Variants in PRPF4 observed in about 807,000 individuals in gnomAD.
PRPF4 encodes the protein U4/U6 small nuclear ribonucleoprotein Prp4.
A neutral mutation model predicts 72.2 loss-of-function variants in PRPF4; 14 were observed. The observed-to-expected ratio is 0.19, with a 90% CI of 0.13 to 0.30. The LOEUF (loss-of-function observed/expected upper bound fraction) is 0.30. Among genes scored for constraint, PRPF4 ranks in the 10% least tolerant of loss-of-function variants. The probability of loss-of-function intolerance (pLI) is 1.00; values close to 1 mark genes in which losing one functional copy is unlikely to be tolerated. For missense variants in PRPF4, 478 were observed against 653.9 expected, an observed-to-expected ratio of 0.73 and a Z score of 2.93; for synonymous variants, 225 against 232.2, an observed-to-expected ratio of 0.97 and a Z score of 0.28.
In PRPF4 at chr9:113,275,694, G is replaced by GA. The variant is rs1489870621; in HGVS notation, c.-47dup. ...CTGCTGGGCGCGCGGTGGACGGTCT[G>GA]AAAGGGAGTGTTCGGGTTTCGCTGG... On this transcript the variant is annotated 5_prime_UTR_variant, in exon 1 of 14. Transcript: ENST00000374198. The GA allele has an allele frequency of 3.1e-6, 5 of 1,599,972 alleles. No individual in the cohort carries two copies. The highest frequency in any genetic ancestry group is 3.4e-6 in the Non-Finnish European group (4 of 1,173,180).
intron 9 of PRPF4, 122 bp from the exon 10 acceptor site, chr9:113,288,052 AC>A: frequency 2.4e-6 from 2 of 821,770 alleles, no homozygotes; most frequent in Non-Finnish European, 3.8e-6. Flanking sequence ...AAAGTAGTTT[AC>A]AAGTGTAGTT....
In PRPF4 at chr9:113,279,035, A is replaced by G. The variant is rs772800358; in HGVS notation, c.296A>G (p.Asn99Ser). 9.3e-6 allele frequency: 15 copies of G among 1,614,144 alleles called. No homozygotes were observed. The highest frequency in any genetic ancestry group is 1.3e-5 in the African/African-American group (1 of 74,958). ...AGAAGGAAGCGAGCCCGGCAGATCA[A>G]TGTTTCCACAGATGACTCAGAGGTC... ...FERRKRARQI[N>S]VSTDDSEVKA... The change falls in exon 3 of 14, where the codon AAT becomes AGT. Residue 99 changes from asparagine to serine, a missense_variant. Asn to Ser is a conservative substitution (Grantham distance 46). Transcript: ENST00000374198.
intron 7 of PRPF4, 174 bp from the exon 8 acceptor site, chr9:113,286,058 G>A (rs117656222): frequency 5.0e-6 from 1 of 198,238 alleles, no homozygotes; most frequent in African/African-American, 2.4e-5. Flanking sequence ...TTGCGTGTGG[G>A]CTGGAGGTAG....
At chr9:113,291,397 CT>C (rs1217606595) in intron 13 of PRPF4, 69 bp from the exon 14 acceptor site, 2 of 1,451,534 alleles carry the variant, frequency 1.4e-6, no homozygotes, top group Non-Finnish European at 1.9e-6. Context: ...TTTTTGCAGA[CT>C]TTTGTGCTTT....
At chr9:113,282,900 GTA>G in intron 4 of PRPF4, 167 bp downstream of exon 4, 1 of 1,002,962 alleles carries the variant, frequency 1.0e-6, no homozygotes, top group Non-Finnish European at 1.4e-6. Flanking sequence ...TCCTTTGTAA[GTA>G]TGAATGGAGC....
Position 113,291,649 on chromosome 9 carries a change from A to G in PRPF4, c.1555A>G (p.Met519Val). ...CSYDRTFKLW[M>V]AE ...ATATGACAGGACCTTCAAGCTGTGGATGGCTGAATAGATGACAATGGGAAA... is the reference window on the plus strand; with the variant it reads ...ATATGACAGGACCTTCAAGCTGTGGGTGGCTGAATAGATGACAATGGGAAA... The change falls in exon 14 of 14, where the codon ATG (methionine) becomes GTG (valine). Residue 519 changes from methionine (M) to valine (V), a missense_variant. Met to Val is a conservative substitution (Grantham distance 21, BLOSUM62 1). Coordinates refer to ENST00000374198, the MANE Select transcript of PRPF4 (RefSeq NM_001244926.2). 1.9e-6 allele frequency: 3 copies of G among 1,614,100 alleles called. No individual in the cohort carries two copies. Among genetic ancestry groups the G allele is most frequent in the African/African-American group, 2.7e-5 (2 of 75,060 alleles).
At chr9:113,289,507 A>G (rs1376795298) in intron 10 of PRPF4, among the ~76,000 whole-genome samples, 3 of 152,182 alleles carry the variant, frequency 2.0e-5, no homozygotes, top group South Asian at 2.1e-4. Context: ...ATTTTGCCCA[A>G]TCTAGCAGGT....
chr9:113,275,815 G>A (rs1337733520), intron 1 of PRPF4, 45 bp downstream of exon 1: 2 of 1,606,724 alleles, frequency 1.2e-6, no homozygotes, highest in Non-Finnish European at 1.7e-6. Context: ...GGAGCGCTAA[G>A]GGGGAAGGGG....
At chr9:113,280,445 T>C (rs1056705521) in intron 3 of PRPF4, among the ~76,000 whole-genome samples, 5 of 152,174 alleles carry the variant, frequency 3.3e-5, no homozygotes, top group African/African-American at 1.2e-4. Context: ...AATTGAAATA[T>C]TTCCCCACCT....
Position 113,286,293 on chromosome 9 carries a change from A to C in PRPF4, c.808+3A>C. 1 of 1,608,018 alleles carries C rather than the reference A, an allele frequency of 6.2e-7. No homozygotes were observed. The highest frequency in any genetic ancestry group is 8.5e-7 in the Non-Finnish European group (1 of 1,174,460). ...CAACCTCCTTCACACTCTTCGAGGTAAGTTAGAGTCTTATCCAAATCTCGG... is the reference window on the plus strand; with the variant it reads ...CAACCTCCTTCACACTCTTCGAGGTCAGTTAGAGTCTTATCCAAATCTCGG... On this transcript the variant is annotated splice_donor_region_variant and intron_variant, in intron 8 of 13. Transcript: ENST00000374198.
In PRPF4 at chr9:113,292,835, A is replaced by G. The variant is rs1385724464; in HGVS notation, c.*1175A>G. The G allele has an allele frequency of 2.6e-5, 4 of 152,212 alleles. No homozygotes were observed. Among genetic ancestry groups the G allele is most frequent in the African/African-American group, 7.2e-5 (3 of 41,450 alleles). The allele number at this position is 152,212 out of a possible 1,614,324, so 9.4% of individuals were successfully genotyped here. A position where few individuals can be genotyped will look rare whatever the true frequency, so the allele number is the denominator to read the frequency against. On this transcript the variant is annotated 3_prime_UTR_variant, in exon 14 of 14. Coordinates refer to ENST00000374198, the MANE Select transcript of PRPF4 (RefSeq NM_001244926.2). ...ACCTTTTCTTTATTCCACATTTGCT[A>G]CGGTAAAATCCTGTTACAAAACTAC... is the stretch of plus-strand genomic sequence containing the variant.
At chr9:113,284,234 A>G in intron 6 of PRPF4, 61 bp from the exon 7 acceptor site, 1 of 1,279,526 alleles carries the variant, frequency 7.8e-7, no homozygotes, top group Non-Finnish European at 1.1e-6. Flanking sequence ...GTGGAAAAGC[A>G]AAGGAGCTCT....
intron 10 of PRPF4, among the ~76,000 whole-genome samples, chr9:113,288,727 G>A (rs542164271): frequency 3.3e-5 from 5 of 152,142 alleles, no homozygotes; most frequent in East Asian, 1.9e-4. Context: ...AACAGGTAAC[G>A]CGCCCAGCCA....
At chr9:113,284,213 T>A (rs1199060264) in intron 6 of PRPF4, 82 bp from the exon 7 acceptor site, 1 of 1,087,116 alleles carries the variant, frequency 9.2e-7, no homozygotes, top group East Asian at 2.4e-5. Context: ...TGCTTTGTTG[T>A]TCTTTTTATG....
rs112459530 is a variant in PRPF4 at position 113,285,151 on chromosome 9, G to A, written c.749+762G>A. Among the ~76,000 whole-genome samples, 263 of 151,322 alleles carry A rather than the reference G, an allele frequency of 1.7e-3. 2 individuals are homozygous for A. The highest frequency in any genetic ancestry group is 5.7e-3 in the African/African-American group (235 of 41,190). On this transcript the variant is annotated intron_variant, in intron 7 of 13. Coordinates refer to ENST00000374198, the MANE Select transcript of PRPF4 (RefSeq NM_001244926.2). ...CACAGGTCTGTTAGAAAGATCATCC[G>A]AGATAATAGATATAAAAGTAATTTG...
chr9:113,282,726 A>G lies in PRPF4; in HGVS notation c.473A>G (p.Lys158Arg), dbSNP rs769690576. The G allele has an allele frequency of 2.5e-6, 4 of 1,601,742 alleles. No homozygotes were observed. Among genetic ancestry groups the G allele is most frequent in the South Asian group, 2.2e-5 (2 of 90,692 alleles). Reference protein sequence around the residue: ...KKDDEKSKKSKEEYQQTWYHE... With the variant: ...KKDDEKSKKSREEYQQTWYHE... ...GATGATGAGAAGTCTAAAAAGTCCA[A>G]AGAAGAGGTAGAACATGTCTTTAAC... Residue 158 changes from lysine (K) to arginine (R), a missense_variant, in exon 4 of 14, where the codon AAA becomes AGA. Lys to Arg is a conservative substitution (Grantham distance 26). Transcript: ENST00000374198.
In PRPF4 at chr9:113,276,626, G is replaced by A; in HGVS notation, c.106G>A (p.Glu36Lys). 6.2e-7 allele frequency: 1 copy of A among 1,614,180 alleles called. No individual in the cohort carries two copies. The highest frequency in any genetic ancestry group is 1.1e-5 in the South Asian group (1 of 91,086). Residue 36 changes from glutamate (E) to lysine (K), a missense_variant, in exon 2 of 14, where the codon GAG becomes AAG. By Grantham distance (56) the Glu-to-Lys change is moderately conservative. Transcript: ENST00000374198. ...ACACATCTATTATGGAAGTTTGGAA[G>A]AGAAGGAGAGGGAGCGTCTGGCCAA... ...KPHIYYGSLE[E>K]KERERLAKGE...
At position 113,291,935 on chromosome 9, in the gene PRPF4, G is replaced by T. The variant is rs747380120; in HGVS notation, c.*275G>T. ...GTTTTTATTAATCTTTTGTTTGGCC[G>T]GGCGTGGTGGCTCACGCCTGTAATC... On this transcript the variant is annotated 3_prime_UTR_variant, in exon 14 of 14. Coordinates refer to ENST00000374198, the MANE Select transcript of PRPF4 (RefSeq NM_001244926.2). 4 of 247,578 alleles carry T rather than the reference G, an allele frequency of 1.6e-5. No individual in the cohort carries two copies. Among genetic ancestry groups the T allele is most frequent in the Non-Finnish European group, 3.1e-5 (4 of 127,470 alleles). 15.3% of individuals were successfully genotyped at this position (247,578 alleles called of 1,614,324 possible).
In PRPF4 at chr9:113,291,592, T is replaced by G. The variant is rs760058513; in HGVS notation, c.1498T>G (p.Ser500Ala). 6 of 1,614,036 alleles carry G rather than the reference T, an allele frequency of 3.7e-6. No individual in the cohort carries two copies. The East Asian group carries it at 1.3e-4, about 36-fold the overall frequency. ...AGGCAAAGTGATGGGCCTAGATATT[T>G]CTTCCGATGGGCAGCTCATAGCCAC... The part of the protein sequence containing the change: ...HEGKVMGLDI[S>A]SDGQLIATCS... Residue 500 changes from serine to alanine, a missense_variant, in exon 14 of 14, where the codon TCT becomes GCT. By Grantham distance (99) the Ser-to-Ala change is moderately conservative (BLOSUM62 1). Transcript: ENST00000374198.
Sources: allele counts gnomAD v4.1 joint callset (sites outside exome capture counted in the v4.1 genomes callset), GRCh38; gene constraint gnomAD v4.1.1; transcripts MANE v1.5; gene names NCBI Gene and HGNC (gene_info 2026-07-23, HGNC 2026-07-21).